ARL15: variants seen among roughly 807,000 people sequenced by gnomAD.
The protein encoded by ARL15 is ARF like GTPase 15, also known as ADP-ribosylation factor-like protein 15.
A neutral mutation model predicts 25.2 loss-of-function variants in ARL15; 19 were observed. The ratio of observed to expected loss-of-function variants is 0.75; its 90% CI spans 0.53 to 1.10. ARL15 has a LOEUF of 1.10. Among genes scored for constraint, ARL15 ranks in the 50% least tolerant of loss-of-function variants. The pLI is 0.00. For missense variants in ARL15, 220 were observed against 246.0 expected, an observed-to-expected ratio of 0.89 and a Z score of 0.71; for synonymous variants, 94 against 86.8, an observed-to-expected ratio of 1.08 and a Z score of -0.46.
At chr5:54,125,751 T>G (rs1753231917) in intron 3 of ARL15, among the ~76,000 whole-genome samples, 3 of 152,310 alleles carry the variant, frequency 2.0e-5, no homozygotes, top group Non-Finnish European at 2.9e-5. Context: ...ACGTGTGCTG[T>G]TTAAGTCCCC....
chr5:54,097,976 A>C (rs1752335215), intron 4 of ARL15, among the ~76,000 whole-genome samples: 1 of 152,180 alleles, frequency 6.6e-6, no homozygotes, highest in African/African-American at 2.4e-5. Context: ...GCATCTCATT[A>C]GGGGTCGAAC....
At chr5:54,225,479 T>A (rs1756493932) in intron 1 of ARL15, among the ~76,000 whole-genome samples, 2 of 152,134 alleles carry the variant, frequency 1.3e-5, no homozygotes, top group Admixed American at 6.5e-5. Flanking sequence ...CAGGAGAAGA[T>A]ACTACTTGGC....
chr5:54,022,449 G>T (rs1466709175), intron 4 of ARL15, among the ~76,000 whole-genome samples: 1 of 152,064 alleles, frequency 6.6e-6, no homozygotes, highest in Non-Finnish European at 1.5e-5. Context: ...CAGAAGAAAT[G>T]CAATTGCTTT....
At position 54,149,299 on chromosome 5, in the gene ARL15, C is replaced by G. The variant is rs1753998496; in HGVS notation, c.253+5281G>C. Among the ~76,000 whole-genome samples the G allele has an allele frequency of 2.0e-5, 3 of 152,124 alleles. No individual in the cohort carries two copies. The East Asian group carries it at 5.8e-4, about 29-fold the overall frequency. On this transcript the variant is annotated intron_variant, in intron 3 of 4. Coordinates refer to ENST00000504924, the MANE Select transcript of ARL15 (RefSeq NM_019087.3). ...ACAGTGCCAAAACTATGCTAGGTAG[C>G]TAAACAGAGACTCCAGTGAGGGCCT...
chr5:54,093,351 G>A (rs1241369049), intron 4 of ARL15, among the ~76,000 whole-genome samples: 1 of 152,184 alleles, frequency 6.6e-6, no homozygotes, highest in Non-Finnish European at 1.5e-5. Context: ...AAAGACCAAA[G>A]AAAGCACCCC....
chr5:54,009,959 C>T (rs976437819), intron 4 of ARL15, among the ~76,000 whole-genome samples: 42 of 139,014 alleles, frequency 3.0e-4, no homozygotes, highest in Non-Finnish European at 5.8e-4. Flanking sequence ...AAAGGGCAGG[C>T]TCCTGACTCT....
chr5:54,072,619 T>C (rs184242102), intron 4 of ARL15, among the ~76,000 whole-genome samples: 148 of 152,316 alleles, frequency 9.7e-4, no homozygotes, highest in African/African-American at 3.5e-3. Context: ...AAAAATGCCT[T>C]TCTTAAACAA....
At chr5:54,057,296 G>A (rs1474125458) in intron 4 of ARL15, among the ~76,000 whole-genome samples, 1 of 152,148 alleles carries the variant, frequency 6.6e-6, no homozygotes, top group Admixed American at 6.6e-5. Flanking sequence ...CTGGAGCAGA[G>A]CTGAAGAAAA....
chr5:54,087,401 G>A (rs955548812), intron 4 of ARL15, among the ~76,000 whole-genome samples: 1 of 152,008 alleles, frequency 6.6e-6, no homozygotes, highest in Non-Finnish European at 1.5e-5. Flanking sequence ...GCAGCTCCTG[G>A]TTTCTATACT....
chr5:53,991,978 G>A (rs1264104292), intron 4 of ARL15, among the ~76,000 whole-genome samples: 2 of 152,114 alleles, frequency 1.3e-5, no homozygotes, highest in Non-Finnish European at 2.9e-5. Flanking sequence ...TAAAGTATGC[G>A]TACACCTTTC....
chr5:54,265,883 C>G (rs1429753917), intron 1 of ARL15, among the ~76,000 whole-genome samples: 1 of 152,154 alleles, frequency 6.6e-6, no homozygotes, highest in Non-Finnish European at 1.5e-5. Flanking sequence ...ATATCAGGTT[C>G]CATATTAAGC....
Position 54,009,363 on chromosome 5 carries a change from C to G in ARL15, c.462+103839G>C, listed in dbSNP as rs3776704. On this transcript the variant is annotated intron_variant, in intron 4 of 4. Coordinates refer to ENST00000504924, the MANE Select transcript of ARL15 (RefSeq NM_019087.3). The stretch of plus-strand genomic sequence containing the variant: ...GCTTTCCATAAAAATTGTAAACTTT[C>G]TAACATTCATTTCATTCACTCAAAT... 2.6e-5 allele frequency among the ~76,000 whole-genome samples: 4 copies of G among 152,182 alleles called. No individual in the cohort carries two copies. The East Asian group carries it at 7.7e-4, about 29-fold the overall frequency.
chr5:54,017,616 C>A (rs537232791), intron 4 of ARL15, among the ~76,000 whole-genome samples: 138 of 149,386 alleles, frequency 9.2e-4, no homozygotes, highest in African/African-American at 3.3e-3. Flanking sequence ...CCAAACCAAA[C>A]CAAAGCAACA....
intron 4 of ARL15, among the ~76,000 whole-genome samples, chr5:53,972,272 G>C (rs1265805815): frequency 6.6e-6 from 1 of 151,936 alleles, no homozygotes; most frequent in East Asian, 1.9e-4. Context: ...TCACCTGCCC[G>C]CATTGATAGT....
intron 3 of ARL15, among the ~76,000 whole-genome samples, chr5:54,122,512 C>T (rs1273205709): frequency 6.6e-6 from 1 of 152,242 alleles, no homozygotes; most frequent in Admixed American, 6.5e-5. Context: ...CATACACATA[C>T]ATATAAAGCT....
chr5:53,902,841 A>G (rs1328047906), intron 4 of ARL15, among the ~76,000 whole-genome samples: 4 of 152,224 alleles, frequency 2.6e-5, no homozygotes, highest in Admixed American at 1.3e-4. Context: ...AAGAAAAAAC[A>G]GGAAAGCATG....
chr5:54,117,370 T>TACACACACACACAC (rs71600803), intron 3 of ARL15, among the ~76,000 whole-genome samples: 54 of 143,878 alleles, frequency 3.8e-4, no homozygotes, highest in African/African-American at 7.8e-4. Flanking sequence ...GTGAGACACA[T>TACACACACACACAC]ACACACACAC....
chr5:54,289,434 G>A (rs1457261367), intron 1 of ARL15, among the ~76,000 whole-genome samples: 3 of 151,678 alleles, frequency 2.0e-5, no homozygotes, highest in Admixed American at 1.3e-4. Context: ...GAGCAGACGT[G>A]GTCATTCTAA....
chr5:54,015,417 C>T (rs1471271787), intron 4 of ARL15, among the ~76,000 whole-genome samples: 2 of 152,132 alleles, frequency 1.3e-5, no homozygotes, highest in Non-Finnish European at 2.9e-5. Context: ...ATAAGGGATG[C>T]TCAACCTGTA....
Sources: allele counts gnomAD v4.1 joint callset (sites outside exome capture counted in the v4.1 genomes callset), GRCh38; gene constraint gnomAD v4.1.1; transcripts MANE v1.5; gene names NCBI Gene and HGNC (gene_info 2026-07-23, HGNC 2026-07-21).